Variants in ABCA6 observed in about 807,000 individuals in gnomAD.
ABCA6 encodes the protein ATP binding cassette subfamily A member 6.
In ABCA6, 164 loss-of-function variants were observed where a neutral mutation model predicts 191.2. The ratio of observed to expected loss-of-function variants is 0.86; its 90% confidence interval spans 0.76 to 0.98. ABCA6 has a LOEUF of 0.98. Ranked by LOEUF, ABCA6 falls within the 50% of genes least tolerant of loss-of-function variation. ABCA6 has a pLI of 0.00. For synonymous variants in ABCA6, 636 were observed against 647.7 expected, an observed-to-expected ratio of 0.98 and a Z score of 0.27; for missense variants, 1,958 against 1,894.1, an observed-to-expected ratio of 1.03 and a Z score of -0.63.
In ABCA6 at chr17:69,079,284, T is replaced by A. The variant is rs369490081; in HGVS notation, c.4697-19A>T. 224 of 1,570,720 alleles carry A rather than the reference T, an allele frequency of 1.4e-4. No homozygotes were observed. Among genetic ancestry groups the A allele is most frequent in the Non-Finnish European group, 1.9e-4 (221 of 1,157,660 alleles). ...TGCTTCACTGGAGGAAAAAAAAGAC[T>A]AGTATTAATAGTAGATGCTTACAAT... On this transcript the variant is annotated intron_variant, in intron 37 of 38. Coordinates refer to ENST00000284425, the MANE Select transcript of ABCA6 (RefSeq NM_080284.3).
chr17:69,099,112 C>T (rs1260611107), intron 22 of ABCA6, among the ~76,000 whole-genome samples: 1 of 151,522 alleles, frequency 6.6e-6, no homozygotes, highest in Non-Finnish European at 1.5e-5. Flanking sequence ...AAACTTGTTG[C>T]TGCTTGTCTT....
At chr17:69,110,732 A>T in intron 17 of ABCA6, 69 bp downstream of exon 17, 1 of 1,488,758 alleles carries the variant, frequency 6.7e-7, no homozygotes, top group Non-Finnish European at 8.9e-7. Flanking sequence ...TGGACAAAGA[A>T]AATTATTTTA....
intron 24 of ABCA6, 34 bp downstream of exon 24, chr17:69,096,594 T>C (rs1045796165): frequency 3.7e-6 from 5 of 1,364,960 alleles, no homozygotes; most frequent in Non-Finnish European, 4.9e-6. Flanking sequence ...ATTAATTACT[T>C]TATGAAATTT....
intron 12 of ABCA6, 27 bp downstream of exon 12, chr17:69,115,346 CTTG>C: frequency 6.5e-7 from 1 of 1,536,588 alleles, no homozygotes; most frequent in African/African-American, 1.4e-5. Context: ...TATAAGACAT[CTTG>C]CCTTTGAGAA....
At chr17:69,122,585 G>A (rs945533228) in intron 10 of ABCA6, among the ~76,000 whole-genome samples, 2 of 151,962 alleles carry the variant, frequency 1.3e-5, no homozygotes, top group Non-Finnish European at 2.9e-5. Flanking sequence ...AGAGAGGAGA[G>A]TATTAGGATC....
intron 36 of ABCA6, among the ~76,000 whole-genome samples, chr17:69,082,328 A>AAC (rs61523425): frequency 0.094 from 13,548 of 144,760 alleles, 659 homozygotes; most frequent in Non-Finnish European, 0.11. Flanking sequence ...GACATACACA[A>AAC]ACACACACAC....
Position 69,137,368 on chromosome 17 carries a change from C to A in ABCA6, c.229G>T (p.Val77Phe), listed in dbSNP as rs1423957372. Residue 77 changes from valine to phenylalanine, a missense_variant, in exon 3 of 39, where the codon GTT becomes TTT. Coordinates refer to ENST00000284425, the MANE Select transcript of ABCA6 (RefSeq NM_080284.3). ...VDKFNSSSLM[V>F]VYTPISNLTQ... ...AAATTAGATATTGGTGTATACACAA[C>A]CATTAAAGAAGAGCTATTAAATTTA... 2 of 1,613,626 alleles carry A rather than the reference C, an allele frequency of 1.2e-6. No homozygotes were observed. The highest frequency in any genetic ancestry group is 1.7e-5 in the Admixed American group (1 of 59,984).
chr17:69,110,027 T>C (rs2073390846), intron 17 of ABCA6: 1 of 152,218 alleles, frequency 6.6e-6, no homozygotes, highest in African/African-American at 2.4e-5. Flanking sequence ...ACTTTTGCTG[T>C]TGCACCTCAA....
chr17:69,112,190 G>A lies in ABCA6; in HGVS notation c.2125C>T (p.His709Tyr), dbSNP rs570894394. 5 of 1,609,648 alleles carry A rather than the reference G, an allele frequency of 3.1e-6. No individual in the cohort carries two copies. The highest frequency in any genetic ancestry group is 1.3e-5 in the African/African-American group (1 of 74,708). The change falls in exon 16 of 39, where the codon CAC becomes TAC. Residue 709 changes from histidine (H) to tyrosine (Y), a missense_variant. His to Tyr is a moderately conservative substitution (Grantham distance 83, BLOSUM62 2). Transcript: ENST00000284425. ...TATTCCCAAAGTCTTTACCTTAGGT[G>A]ATATCCAAGACCCCACCTTCTTTTC... The part of the protein sequence containing the change: ...FLKRRWGLGY[H>Y]LSLHRNEICN...
chr17:69,125,763 A>G (rs1294802176), intron 8 of ABCA6, among the ~76,000 whole-genome samples: 1 of 152,156 alleles, frequency 6.6e-6, no homozygotes, highest in African/African-American at 2.4e-5. Context: ...TTATTCTAGG[A>G]ATCCAAAATT....
In ABCA6 at chr17:69,102,922, T is replaced by C. The variant is rs756716542; in HGVS notation, c.2787A>G (p.Ile929Met). ...DFIKSLKHQN[I>M]LLEVDDFENR... ...TTTCAAAGTCATCTACTTCCAAAAG[T>C]ATATTTTGATGCTTCAGTGATTTTA... Residue 929 changes from isoleucine to methionine, a missense_variant, in exon 21 of 39, where the codon ATA becomes ATG. Coordinates refer to ENST00000284425, the MANE Select transcript of ABCA6 (RefSeq NM_080284.3). 26 of 1,573,110 alleles carry C rather than the reference T, an allele frequency of 1.7e-5. 1 individual carries two copies. In the South Asian group the frequency reaches 2.1e-4, roughly 12 times the overall value.
intron 2 of ABCA6, among the ~76,000 whole-genome samples, chr17:69,138,358 T>C (rs1430004165): frequency 6.6e-6 from 1 of 152,176 alleles, no homozygotes; most frequent in African/African-American, 2.4e-5. Flanking sequence ...CAGTGCTTTG[T>C]AGTTCTCCTT....
chr17:69,100,389 T>A (rs1433544823), intron 22 of ABCA6, among the ~76,000 whole-genome samples: 1 of 152,196 alleles, frequency 6.6e-6, no homozygotes, highest in African/African-American at 2.4e-5. Flanking sequence ...CAGATTCTCC[T>A]TCATATTAGT....
At position 69,124,896 on chromosome 17, in the gene ABCA6, A is replaced by G; in HGVS notation, c.1259T>C (p.Ile420Thr). The change falls in exon 9 of 39, where the codon ATT becomes ACT. Residue 420 changes from isoleucine (I) to threonine (T), a missense_variant. Physicochemically the swap from Ile to Thr is moderately conservative, Grantham distance 89. Transcript: ENST00000284425. ...AACTCACTATTACTTACAGGGTAAA[A>G]TTTTGTCAAAGTATAATGCCAATAG... ...YLLLALYFDK[I>T]LPYGDERHYS... is the part of the protein sequence containing the mutation. 6.4e-7 allele frequency: 1 copy of G among 1,560,480 alleles called. No homozygotes were observed. The highest frequency in any genetic ancestry group is 8.7e-7 in the Non-Finnish European group (1 of 1,155,188).
intron 35 of ABCA6, 86 bp from the exon 36 acceptor site, chr17:69,083,099 G>T (rs1188005001): frequency 3.3e-5 from 52 of 1,582,162 alleles, no homozygotes; most frequent in Non-Finnish European, 3.8e-5. Context: ...TAGAAGAAAA[G>T]GTGTCACCAA....
chr17:69,085,781 C>A, intron 30 of ABCA6, 65 bp from the exon 31 acceptor site: 1 of 1,147,482 alleles, frequency 8.7e-7, no homozygotes, highest in South Asian at 1.3e-5. Context: ...ACCTTTTGCT[C>A]CAGTGAAATC....
chr17:69,081,851 A>C (rs1202547311), intron 36 of ABCA6, among the ~76,000 whole-genome samples: 1 of 152,216 alleles, frequency 6.6e-6, no homozygotes, highest in Non-Finnish European at 1.5e-5. Context: ...TGGAGATTGC[A>C]GTAGAGGAAG....
chr17:69,087,802 TC>T (rs1265175984), intron 28 of ABCA6, among the ~76,000 whole-genome samples: 3 of 152,254 alleles, frequency 2.0e-5, no homozygotes, highest in African/African-American at 7.2e-5. Context: ...AGATGTTTTT[TC>T]AACATCATTT....
In ABCA6 at chr17:69,100,631, G is replaced by GA. The variant is rs10713615; in HGVS notation, c.3012+165dup. Among the ~76,000 whole-genome samples, 435 of 151,934 alleles carry GA rather than the reference G, an allele frequency of 2.9e-3. 3 individuals are homozygous for GA. Among genetic ancestry groups the GA allele is most frequent in the African/African-American group, 9.8e-3 (405 of 41,338 alleles). On this transcript the variant is annotated intron_variant, in intron 22 of 38. Transcript: ENST00000284425. ...CGATAATTATCTGATAACTTGGCAG[G>GA]AAAAAAAAATCCTGTTTTGTTTGCT...
Sources: allele counts gnomAD v4.1 joint callset (sites outside exome capture counted in the v4.1 genomes callset), GRCh38; gene constraint gnomAD v4.1.1; transcripts MANE v1.5; gene names NCBI Gene and HGNC (gene_info 2026-07-23, HGNC 2026-07-21).